Variants in VWA3B observed in about 807,000 individuals in gnomAD.
The protein encoded by VWA3B is von Willebrand factor A domain containing 3B.
VWA3B carries 138 observed loss-of-function variants against 158.3 expected under a neutral mutation model. The ratio of observed to expected loss-of-function variants is 0.87; its 90% CI spans 0.76 to 1.00. VWA3B has a LOEUF of 1.00. Among genes scored for constraint, VWA3B ranks in the 50% least tolerant of loss-of-function variants. The pLI is 0.00. For missense variants in VWA3B, 1,555 were observed against 1,565.1 expected (o/e 0.99, Z 0.11); for synonymous variants, 596 against 587.3 (o/e 1.01, Z -0.21).
rs376530535 is a variant in VWA3B, at chr2:98,188,123, G to A, written c.1460G>A (p.Arg487Gln). ...ATCCACACAGCCCTGGCCCGGATCCGAAGGAGGTTGGTGTTATTTGCAGGA... is the reference window on the plus strand; with the variant it reads ...ATCCACACAGCCCTGGCCCGGATCCAAAGGAGGTTGGTGTTATTTGCAGGA... ...ERIHTALARI[R>Q]RRIKWLQDGS... Residue 487 changes from arginine to glutamine, a missense_variant, in exon 10 of 28, where the codon CGA becomes CAA. Physicochemically the swap from Arg to Gln is conservative, Grantham distance 43. Transcript: ENST00000477737. The A allele has an allele frequency of 5.7e-5, 92 of 1,610,538 alleles. No homozygotes were observed. The highest frequency in any genetic ancestry group is 7.4e-5 in the Non-Finnish European group (87 of 1,178,438).
chr2:98,129,943 A>C (rs1172620609), intron 6 of VWA3B, among the ~76,000 whole-genome samples: 1 of 152,140 alleles, frequency 6.6e-6, no homozygotes, highest in Non-Finnish European at 1.5e-5. Flanking sequence ...GTGGAACGAG[A>C]GATTTGGAAA....
intron 5 of VWA3B, among the ~76,000 whole-genome samples, chr2:98,124,689 T>G (rs893897058): frequency 2.0e-5 from 3 of 152,214 alleles, no homozygotes; most frequent in African/African-American, 7.2e-5. Context: ...GTTGACTTTC[T>G]TTTTGCTCTT....
intron 16 of VWA3B, among the ~76,000 whole-genome samples, chr2:98,232,974 C>T (rs771580607): frequency 5.1e-4 from 77 of 152,280 alleles, no homozygotes; most frequent in Non-Finnish European, 9.6e-4. Flanking sequence ...CAAGAGGCGT[C>T]CCGGAAAGGG....
chr2:98,325,369 A>T, the VWA3B span, among the ~76,000 whole-genome samples: 1 of 152,158 alleles, frequency 6.6e-6, no homozygotes, highest in East Asian at 1.9e-4. Flanking sequence ...CTGCAGTGGG[A>T]CAATATCATT....
At chr2:98,102,186 G>A (rs1379707922) in intron 2 of VWA3B, among the ~76,000 whole-genome samples, 1 of 152,128 alleles carries the variant, frequency 6.6e-6, no homozygotes, top group African/African-American at 2.4e-5. Context: ...GCACGGGGTT[G>A]GGGGTAAGGT....
chr2:98,188,368 T>C (rs990169847), intron 10 of VWA3B, among the ~76,000 whole-genome samples: 2 of 152,132 alleles, frequency 1.3e-5, no homozygotes, highest in Non-Finnish European at 2.9e-5. Context: ...CAAAATTCTC[T>C]CATTTAGCTT....
intron 13 of VWA3B, among the ~76,000 whole-genome samples, chr2:98,213,229 A>T (rs962335933): frequency 6.6e-6 from 1 of 152,198 alleles, no homozygotes; most frequent in African/African-American, 2.4e-5. Context: ...ACGGAAGAAG[A>T]TCAGGGTGGA....
chr2:98,199,897 A>C (rs1338994407), intron 12 of VWA3B, among the ~76,000 whole-genome samples: 1 of 152,178 alleles, frequency 6.6e-6, no homozygotes, highest in Non-Finnish European at 1.5e-5. Flanking sequence ...CAGTATGCTA[A>C]GTGTATGTTT....
rs10642314 is a variant in VWA3B, at chr2:98,187,664, C to G, written c.1312-311C>G. ...TCCCTCTCCCTCTCCGTCTCTGTGTCTGTGTGTGTGTGTGTGTGTGTGTGT... is the reference window on the plus strand; with the variant it reads ...TCCCTCTCCCTCTCCGTCTCTGTGTGTGTGTGTGTGTGTGTGTGTGTGTGT... On this transcript the variant is annotated intron_variant, in intron 9 of 27. Coordinates refer to ENST00000477737, the MANE Select transcript of VWA3B (RefSeq NM_144992.5). Among the ~76,000 whole-genome samples, 1,188 of 141,778 alleles carry G rather than the reference C, an allele frequency of 8.4e-3. 23 individuals carry two copies. The highest frequency in any genetic ancestry group is 0.03 in the African/African-American group (1,119 of 37,038). 93.0% of individuals were successfully genotyped at this position (141,778 alleles called of 152,430 possible).
chr2:98,124,074 C>A (rs1056540907), intron 5 of VWA3B, among the ~76,000 whole-genome samples: 6 of 152,200 alleles, frequency 3.9e-5, no homozygotes, highest in African/African-American at 7.2e-5. Flanking sequence ...TCATAAAGAA[C>A]CTTCACTGCT....
chr2:98,093,883 G>C (rs1274930457), intron 2 of VWA3B, among the ~76,000 whole-genome samples: 2 of 152,102 alleles, frequency 1.3e-5, no homozygotes, highest in Non-Finnish European at 2.9e-5. Flanking sequence ...CATGAGTGAG[G>C]TTATGTGGTG....
chr2:98,296,489 C>G (rs1689806986), intron 23 of VWA3B, among the ~76,000 whole-genome samples: 1 of 152,190 alleles, frequency 6.6e-6, no homozygotes, highest in Non-Finnish European at 1.5e-5. Flanking sequence ...CAATGGTAAG[C>G]TGGCTTGAGT....
chr2:98,302,811 C>T (rs1690278575), intron 25 of VWA3B, among the ~76,000 whole-genome samples: 1 of 152,150 alleles, frequency 6.6e-6, no homozygotes, highest in South Asian at 2.1e-4. Flanking sequence ...TTGACTGTGG[C>T]ATGAGGTAGT....
chr2:98,232,971 C>T (rs564996901), intron 16 of VWA3B, among the ~76,000 whole-genome samples: 5 of 152,260 alleles, frequency 3.3e-5, no homozygotes, highest in South Asian at 4.2e-4. Context: ...GACCAAGAGG[C>T]GTCCCGGAAA....
intron 14 of VWA3B, among the ~76,000 whole-genome samples, chr2:98,227,951 C>T (rs1358749283): frequency 6.6e-6 from 1 of 152,156 alleles, no homozygotes. Flanking sequence ...ATAAGAACAA[C>T]ATAAAATTCT....
At chr2:98,128,568 T>A (rs1298564620) in intron 6 of VWA3B, among the ~76,000 whole-genome samples, 160 bp downstream of exon 6, 1 of 152,234 alleles carries the variant, frequency 6.6e-6, no homozygotes, top group African/African-American at 2.4e-5. Context: ...CTTCTCCGTC[T>A]TGTATTAATC....
At chr2:98,152,481 C>T (rs946141476) in intron 7 of VWA3B, among the ~76,000 whole-genome samples, 21 of 152,032 alleles carry the variant, frequency 1.4e-4, no homozygotes, top group East Asian at 3.9e-4. Context: ...AAGGTCCTGT[C>T]GGCACAGGAG....
chr2:98,179,479 C>T (rs775192956), intron 8 of VWA3B, among the ~76,000 whole-genome samples: 5 of 152,138 alleles, frequency 3.3e-5, no homozygotes, highest in Non-Finnish European at 7.3e-5. Context: ...TCTGAGCCTG[C>T]AGGGTGGAAA....
chr2:98,259,216 C>A (rs1034939767), intron 21 of VWA3B, among the ~76,000 whole-genome samples: 1 of 151,648 alleles, frequency 6.6e-6, no homozygotes, highest in Non-Finnish European at 1.5e-5. Flanking sequence ...AGAAAATGGT[C>A]TGTAGTTTTC....
Sources: allele counts gnomAD v4.1 joint callset (sites outside exome capture counted in the v4.1 genomes callset), GRCh38; gene constraint gnomAD v4.1.1; transcripts MANE v1.5; gene names NCBI Gene and HGNC (gene_info 2026-07-23, HGNC 2026-07-21).